Variants in PIK3C2B observed in about 807,000 individuals in gnomAD.
PIK3C2B encodes the protein phosphatidylinositol 4-phosphate 3-kinase C2 domain-containing subunit beta.
Under a neutral mutation model 184.3 loss-of-function variants are expected in PIK3C2B, and 83 were observed. The ratio of observed to expected loss-of-function variants is 0.45; its 90% CI spans 0.38 to 0.54. The LOEUF (loss-of-function observed/expected upper bound fraction) is 0.54. PIK3C2B is among the 20% of genes least tolerant of loss of function. The pLI is 0.00. For missense variants in PIK3C2B, 1,736 were observed against 2,113.5 expected, an observed-to-expected ratio of 0.82 and a Z score of 3.50; for synonymous variants, 779 against 837.6, an observed-to-expected ratio of 0.93 and a Z score of 1.21.
At chr1:204,431,385 G>GA in intron 28 of PIK3C2B, 1 of 470,536 alleles carries the variant, frequency 2.1e-6, no homozygotes. Flanking sequence ...TTATCCATTT[G>GA]AAAAATGGTG....
Position 204,443,540 on chromosome 1 carries a change from C to T in PIK3C2B, c.2925G>A (p.Leu975=). The change falls in exon 19 of 33, where the codon CTG becomes CTA. Residue 975 remains leucine (L), a synonymous_variant. Coordinates refer to ENST00000684373, the MANE Select transcript of PIK3C2B (RefSeq NM_001377334.1). ...TGCCACAGCAGCACAGTAAGGCTGC[C>T]AGCAGATACTGGTAGCGGATGCTGA... ...SQFSIRYQYL[L]AALLCCCGKG... The T allele has an allele frequency of 6.2e-7, 1 of 1,614,178 alleles. No individual in the cohort carries two copies. Among genetic ancestry groups the T allele is most frequent in the Non-Finnish European group, 8.5e-7 (1 of 1,180,002 alleles).
intron 12 of PIK3C2B, among the ~76,000 whole-genome samples, chr1:204,450,735 G>C (rs1418777339): frequency 2.0e-5 from 3 of 152,166 alleles, no homozygotes; most frequent in Non-Finnish European, 4.4e-5. Context: ...GTTCTCTCCA[G>C]GTCCCTCAGT....
chr1:204,472,744 C>A (rs995068376), intron 1 of PIK3C2B, among the ~76,000 whole-genome samples: 1 of 152,110 alleles, frequency 6.6e-6, no homozygotes, highest in African/African-American at 2.4e-5. Context: ...TGCATCATTT[C>A]ACTCCAGCTT....
intron 12 of PIK3C2B, among the ~76,000 whole-genome samples, chr1:204,454,169 T>C (rs1431441870): frequency 6.6e-6 from 1 of 152,106 alleles, no homozygotes; most frequent in African/African-American, 2.4e-5. Flanking sequence ...GTGGTAATTA[T>C]ACTTGGCTCC....
At chr1:204,449,475 C>A (rs1654166844) in intron 13 of PIK3C2B, among the ~76,000 whole-genome samples, 179 bp from the exon 14 acceptor site, 1 of 152,198 alleles carries the variant, frequency 6.6e-6, no homozygotes, top group African/African-American at 2.4e-5. Context: ...CTTACGCCCT[C>A]CAAGAGGACT....
chr1:204,449,460 A>G (rs1054518555), intron 13 of PIK3C2B, among the ~76,000 whole-genome samples, 164 bp from the exon 14 acceptor site: 1 of 152,156 alleles, frequency 6.6e-6, no homozygotes, highest in African/African-American at 2.4e-5. Context: ...CAAGTCCTGT[A>G]AAAGCTTACG....
chr1:204,440,422 G>A, intron 21 of PIK3C2B, 101 bp from the exon 22 acceptor site: 1 of 1,267,380 alleles, frequency 7.9e-7, no homozygotes, highest in South Asian at 1.5e-5. Context: ...CAGTGACAGG[G>A]AGTTCCCCAG....
chr1:204,455,716 G>A (rs1042423828), intron 11 of PIK3C2B, 140 bp downstream of exon 11: 9 of 685,038 alleles, frequency 1.3e-5, no homozygotes, highest in Middle Eastern at 8.3e-4. Context: ...GCTCACCCCC[G>A]CAGCCCCATT....
chr1:204,486,690 A>G (rs897717384), intron 1 of PIK3C2B, among the ~76,000 whole-genome samples: 11 of 152,202 alleles, frequency 7.2e-5, no homozygotes, highest in African/African-American at 2.7e-4. Context: ...AGATTGCGCC[A>G]TTGCACTCCA....
intron 16 of PIK3C2B, among the ~76,000 whole-genome samples, chr1:204,444,989 A>G (rs1011541255): frequency 1.3e-5 from 2 of 152,350 alleles, no homozygotes; most frequent in Middle Eastern, 3.4e-3. Context: ...TAAGCAGGAA[A>G]TCCTGGGTAC....
chr1:204,464,932 G>A (rs758250711), intron 3 of PIK3C2B, among the ~76,000 whole-genome samples: 3 of 151,828 alleles, frequency 2.0e-5, no homozygotes, highest in East Asian at 3.8e-4. Flanking sequence ...CACTCTTATC[G>A]CCAGCTGGGG....
At chr1:204,426,640 C>A (rs529622085) in intron 31 of PIK3C2B, among the ~76,000 whole-genome samples, 1 of 152,320 alleles carries the variant, frequency 6.6e-6, no homozygotes, top group South Asian at 2.1e-4. Flanking sequence ...CCGTTCCCAA[C>A]TAGAATGTAA....
chr1:204,463,888 A>G (rs769635011), intron 5 of PIK3C2B, 124 bp downstream of exon 5: 3 of 979,136 alleles, frequency 3.1e-6, no homozygotes, highest in Non-Finnish European at 4.6e-6. Flanking sequence ...GTGCCCAGAA[A>G]GCAGGAGTCT....
At chr1:204,454,520 T>A in intron 12 of PIK3C2B, 149 bp downstream of exon 12, 17 of 595,332 alleles carry the variant, frequency 2.9e-5, no homozygotes, top group Non-Finnish European at 4.3e-5. Flanking sequence ...AAGTGGAGAC[T>A]CAAGAGGTTG....
chr1:204,431,634 C>A, intron 28 of PIK3C2B, 35 bp downstream of exon 28: 1 of 1,613,002 alleles, frequency 6.2e-7, no homozygotes, highest in African/African-American at 1.3e-5. Flanking sequence ...CCCTCCCCGA[C>A]ATCCCTCTGT....
Position 204,444,148 on chromosome 1 carries a change from T to C in PIK3C2B, c.2787A>G (p.Glu929=), listed in dbSNP as rs1653637802. 2 of 1,612,264 alleles carry C rather than the reference T, an allele frequency of 1.2e-6. No homozygotes were observed. Among genetic ancestry groups the C allele is most frequent in the Non-Finnish European group, 1.7e-6 (2 of 1,178,278 alleles). ...LPQLVQALKY[E]CYLDSPLVRF... ...GCACCAACGGGCTGTCCAGGTAGCATTCATACTTCAGGGCCTGTTTCGGAG... is the reference window on the plus strand; with the variant it reads ...GCACCAACGGGCTGTCCAGGTAGCACTCATACTTCAGGGCCTGTTTCGGAG... The change falls in exon 18 of 33, where the codon GAA becomes GAG. Residue 929 remains glutamate, a synonymous_variant. Coordinates refer to ENST00000684373, the MANE Select transcript of PIK3C2B (RefSeq NM_001377334.1).
chr1:204,457,953 T>C lies in PIK3C2B; in HGVS notation c.1567-79A>G, dbSNP rs1433417585. On this transcript the variant is annotated intron_variant, in intron 8 of 32. Transcript: ENST00000684373. ...TCCAACCCCTCCCCACCCCAGTCTT[T>C]AAAGGAAAGGGTTGGGAAGAGTAGA... 5 of 1,326,160 alleles carry C rather than the reference T, an allele frequency of 3.8e-6. No individual in the cohort carries two copies. In the Admixed American group the frequency reaches 8.3e-5, roughly 22 times the overall value. The allele number at this position is 1,326,160 out of a possible 1,614,324, so 82.1% of individuals were successfully genotyped here. A position where few individuals can be genotyped will look rare whatever the true frequency, so the allele number is the denominator to read the frequency against.
chr1:204,469,966 A>G (rs1656166348), intron 1 of PIK3C2B, 80 bp from the exon 2 acceptor site: 1 of 600,536 alleles, frequency 1.7e-6, no homozygotes, highest in Non-Finnish European at 3.0e-6. Flanking sequence ...TTTAGGTGAT[A>G]TTATCTGGGC....
At position 204,438,289 on chromosome 1, in the gene PIK3C2B, C is replaced by T. The variant is rs535278693; in HGVS notation, c.3516+646G>A. ...TTCCTCAACCTAATTAACCCAGAGA[C>T]TAGAGTTGTGATGCTGGGAACAGGC... On this transcript the variant is annotated intron_variant, in intron 23 of 32. Coordinates refer to ENST00000684373, the MANE Select transcript of PIK3C2B (RefSeq NM_001377334.1). Among the ~76,000 whole-genome samples, 297 of 152,296 alleles carry T rather than the reference C, an allele frequency of 2.0e-3. 4 individuals are homozygous for T. The highest frequency in any genetic ancestry group is 6.9e-3 in the African/African-American group (287 of 41,544).
Sources: gnomAD v4.1 joint callset for allele counts (sites outside exome capture counted in the v4.1 genomes callset) on GRCh38, gnomAD v4.1.1 for gene constraint, MANE v1.5 for transcripts, NCBI Gene and HGNC (gene_info 2026-07-23, HGNC 2026-07-21) for gene names.